CNTN4: variants seen among roughly 807,000 people sequenced by gnomAD.
The protein encoded by CNTN4 is contactin 4, also known as contactin-4.
CNTN4 carries 77 observed loss-of-function variants against 122.5 expected under a neutral mutation model. The ratio of observed to expected loss-of-function variants is 0.63; its 90% CI spans 0.52 to 0.76. The LOEUF is 0.76. Ranked by LOEUF, CNTN4 falls within the 30% of genes least tolerant of loss-of-function variation. The probability of loss-of-function intolerance (pLI) is 0.00; values close to 1 mark genes in which losing one functional copy is unlikely to be tolerated. For synonymous variants in CNTN4, 512 were observed against 447.0 expected (o/e 1.15, Z -1.83); for missense variants, 1,256 against 1,259.1 (o/e 1.00, Z 0.04).
At chr3:2,824,227 C>T (rs1343266381) in intron 7 of CNTN4, among the ~76,000 whole-genome samples, 2 of 151,384 alleles carry the variant, frequency 1.3e-5, no homozygotes, top group African/African-American at 4.9e-5. Context: ...GGGAGGAGGC[C>T]GAGGCAGGTG....
chr3:2,350,774 C>G (rs1028753098), intron 3 of CNTN4, among the ~76,000 whole-genome samples: 1 of 152,044 alleles, frequency 6.6e-6, no homozygotes, highest in African/African-American at 2.4e-5. Context: ...GACTCACTAA[C>G]CAACGAAAAT....
chr3:2,905,673 T>C (rs935293376), intron 12 of CNTN4, among the ~76,000 whole-genome samples: 5 of 152,240 alleles, frequency 3.3e-5, no homozygotes, highest in African/African-American at 9.6e-5. Flanking sequence ...TATTTAACCA[T>C]GTTTCACATA....
chr3:2,344,335 G>A (rs1523321), intron 3 of CNTN4, among the ~76,000 whole-genome samples: 55,203 of 151,110 alleles, frequency 0.37, 10,459 homozygotes, highest in African/African-American at 0.45. Flanking sequence ...GAGTGCAGTG[G>A]TGTGATCTCG....
chr3:2,756,183 T>C (rs1471949022), intron 6 of CNTN4, among the ~76,000 whole-genome samples: 1 of 152,230 alleles, frequency 6.6e-6, no homozygotes, highest in African/African-American at 2.4e-5. Context: ...CTAACTATAG[T>C]GATTTGAATG....
At chr3:2,839,600 A>C (rs2093307960) in intron 7 of CNTN4, among the ~76,000 whole-genome samples, 1 of 152,202 alleles carries the variant, frequency 6.6e-6, no homozygotes, top group Non-Finnish European at 1.5e-5. Context: ...TAAATTTTCA[A>C]GGACTGCACT....
intron 4 of CNTN4, 56 bp from the exon 5 acceptor site, chr3:2,736,159 G>T: frequency 6.4e-7 from 1 of 1,555,596 alleles, no homozygotes; most frequent in Non-Finnish European, 8.9e-7. Context: ...GTTTCCTGTT[G>T]TTGTTCCTAT....
At chr3:2,437,356 A>C (rs551315811) in intron 3 of CNTN4, among the ~76,000 whole-genome samples, 1 of 152,322 alleles carries the variant, frequency 6.6e-6, no homozygotes, top group East Asian at 1.9e-4. Context: ...AATAATATCT[A>C]TTAAGAGACT....
chr3:2,392,970 G>A (rs773050617), intron 3 of CNTN4, among the ~76,000 whole-genome samples: 8 of 152,134 alleles, frequency 5.3e-5, no homozygotes, highest in Non-Finnish European at 1.0e-4. Flanking sequence ...TTGTAACAAA[G>A]TACCACAAAC....
At chr3:2,576,120 C>A (rs866228070) in intron 4 of CNTN4, among the ~76,000 whole-genome samples, 1 of 152,108 alleles carries the variant, frequency 6.6e-6, no homozygotes. Context: ...CAGGCGTGAG[C>A]CACCACGCCC....
At chr3:2,453,697 A>G (rs76044491) in intron 3 of CNTN4, among the ~76,000 whole-genome samples, 28 of 152,276 alleles carry the variant, frequency 1.8e-4, no homozygotes, top group Admixed American at 4.6e-4. Context: ...AAATATTAGC[A>G]CATTTGATTA....
intron 2 of CNTN4, among the ~76,000 whole-genome samples, chr3:2,213,223 G>C (rs1156759501): frequency 6.6e-6 from 1 of 152,150 alleles, no homozygotes; most frequent in Admixed American, 6.5e-5. Context: ...CCAGAGAAAT[G>C]AGATGTTTTG....
At chr3:2,455,327 A>T (rs1171596604) in intron 3 of CNTN4, among the ~76,000 whole-genome samples, 1 of 152,150 alleles carries the variant, frequency 6.6e-6, no homozygotes, top group Non-Finnish European at 1.5e-5. Context: ...CGACAAGTGT[A>T]ATGAACTGTT....
intron 3 of CNTN4, among the ~76,000 whole-genome samples, chr3:2,549,387 T>G (rs2078385893): frequency 2.0e-5 from 3 of 152,170 alleles, no homozygotes; most frequent in Admixed American, 2.0e-4. Context: ...AATACCTACT[T>G]TATTGAGAGT....
intron 3 of CNTN4, among the ~76,000 whole-genome samples, chr3:2,417,619 C>T (rs544431788): frequency 7.8e-4 from 119 of 152,296 alleles, no homozygotes; most frequent in African/African-American, 2.7e-3. Context: ...ATCCAGCAAT[C>T]ACACTCCTTG....
At chr3:2,751,067 C>T (rs942270627) in intron 6 of CNTN4, among the ~76,000 whole-genome samples, 21 of 151,932 alleles carry the variant, frequency 1.4e-4, no homozygotes, top group Admixed American at 4.6e-4. Context: ...TTTGGGAGGC[C>T]GAGGCGAGTG....
chr3:2,665,586 GA>G (rs2084113039), intron 4 of CNTN4, among the ~76,000 whole-genome samples: 1 of 152,134 alleles, frequency 6.6e-6, no homozygotes, highest in African/African-American at 2.4e-5. Flanking sequence ...TCACTTGGGA[GA>G]AACCTGGGTG....
At chr3:2,735,779 C>T (rs557097070) in intron 4 of CNTN4, 16 of 352,776 alleles carry the variant, frequency 4.5e-5, no homozygotes, top group Admixed American at 4.5e-4. Flanking sequence ...TTTACAGTAT[C>T]GTCCTTGCTT....
At chr3:2,588,108 G>T (rs1480903039) in intron 4 of CNTN4, among the ~76,000 whole-genome samples, 1 of 151,616 alleles carries the variant, frequency 6.6e-6, no homozygotes, top group African/African-American at 2.4e-5. Context: ...TATCACAGCA[G>T]TATCACTTGT....
intron 2 of CNTN4, among the ~76,000 whole-genome samples, chr3:2,282,845 C>A (rs2041766601): frequency 6.6e-6 from 1 of 152,120 alleles, no homozygotes; most frequent in African/African-American, 2.4e-5. Flanking sequence ...ATACGTGTTA[C>A]AAGTTGGATG....
Sources: gnomAD v4.1 joint callset for allele counts (sites outside exome capture counted in the v4.1 genomes callset) on GRCh38, gnomAD v4.1.1 for gene constraint, MANE v1.5 for transcripts, NCBI Gene and HGNC (gene_info 2026-07-23, HGNC 2026-07-21) for gene names.